HCN1: variants seen among roughly 807,000 people sequenced by gnomAD.
HCN1 encodes the protein potassium/sodium hyperpolarization-activated cyclic nucleotide-gated channel 1.
HCN1 carries 13 observed loss-of-function variants against 78.9 expected under a neutral mutation model. The ratio of observed to expected loss-of-function variants is 0.16; its 90% confidence interval spans 0.11 to 0.26. The LOEUF is 0.26. Ranked by LOEUF, HCN1 falls within the 10% of genes least tolerant of loss-of-function variation. The pLI, the probability that HCN1 is intolerant of heterozygous loss-of-function variation, is 1.00. For synonymous variants in HCN1, 552 were observed against 455.5 expected, an observed-to-expected ratio of 1.21 and a Z score of -2.70; for missense variants, 810 against 1,154.3, an observed-to-expected ratio of 0.70 and a Z score of 4.32.
intron 2 of HCN1, among the ~76,000 whole-genome samples, chr5:45,628,244 G>A (rs1251660706): frequency 2.6e-5 from 4 of 152,176 alleles, no homozygotes; most frequent in Non-Finnish European, 5.9e-5. Flanking sequence ...GAACACATTA[G>A]TGTCTCCCTA....
chr5:45,598,122 A>T (rs1253917397), intron 2 of HCN1, among the ~76,000 whole-genome samples: 2 of 152,190 alleles, frequency 1.3e-5, no homozygotes, highest in African/African-American at 4.8e-5. Context: ...ATCCTAAGAA[A>T]AAAGAACAAA....
intron 2 of HCN1, among the ~76,000 whole-genome samples, chr5:45,536,765 A>C (rs1742976048): frequency 6.6e-6 from 1 of 152,194 alleles, no homozygotes; most frequent in Non-Finnish European, 1.5e-5. Context: ...AGTAATAATA[A>C]ATTGAAAGAA....
intron 3 of HCN1, among the ~76,000 whole-genome samples, chr5:45,411,171 A>G (rs1285929971): frequency 2.0e-5 from 3 of 152,026 alleles, no homozygotes; most frequent in Non-Finnish European, 4.4e-5. Flanking sequence ...GGCATGAGGA[A>G]GAGTTGGGGA....
rs903770107 is a variant in HCN1, at chr5:45,259,525, T to C, written c.*2396A>G. On this transcript the variant is annotated 3_prime_UTR_variant, in exon 8 of 8. Transcript: ENST00000303230. ...GACCTTTATATTACAGGAATGTGAG[T>C]CATTTTTTTTTCTTAATCTAAGTAT... 1 of 152,156 alleles carries C rather than the reference T, an allele frequency of 6.6e-6. No individual in the cohort carries two copies. Among genetic ancestry groups the C allele is most frequent in the African/African-American group, 2.4e-5 (1 of 41,386 alleles). The allele number at this position is 152,156 out of a possible 1,614,324, so 9.4% of individuals were successfully genotyped here.
Position 45,261,855 on chromosome 5 carries a change from A to C in HCN1, c.*66T>G, listed in dbSNP as rs1744740524. 3.8e-6 allele frequency: 6 copies of C among 1,598,088 alleles called. No individual in the cohort carries two copies. The highest frequency in any genetic ancestry group is 5.1e-6 in the Non-Finnish European group (6 of 1,168,088). On this transcript the variant is annotated 3_prime_UTR_variant, in exon 8 of 8. Coordinates refer to ENST00000303230, the MANE Select transcript of HCN1 (RefSeq NM_021072.4). ...GAGGGATCTATCAGGAGATAGAATA[A>C]AATAAGATCTGAGTATAGTCTCAGT...
At position 45,612,548 on chromosome 5, in the gene HCN1, A is replaced by G. The variant is rs1475665075; in HGVS notation, c.849+32637T>C. On this transcript the variant is annotated intron_variant, in intron 2 of 7. Transcript: ENST00000303230. ...ATATTATGAAGTGATACCATTAAAT[A>G]TTGGTTTCCTGAGGCCCAAGTGTTC... is the stretch of plus-strand genomic sequence containing the variant. Among the ~76,000 whole-genome samples the G allele has an allele frequency of 2.0e-5, 3 of 152,284 alleles. No homozygotes were observed. The East Asian group carries it at 5.8e-4, about 29-fold the overall frequency.
chr5:45,314,031 G>C (rs201683690), intron 5 of HCN1, among the ~76,000 whole-genome samples: 1 of 150,652 alleles, frequency 6.6e-6, no homozygotes, highest in Non-Finnish European at 1.5e-5. Flanking sequence ...ACAAAGATAC[G>C]AGAAGAGCAA....
At chr5:45,294,354 C>T (rs1455575526) in intron 6 of HCN1, among the ~76,000 whole-genome samples, 1 of 151,996 alleles carries the variant, frequency 6.6e-6, no homozygotes, top group Non-Finnish European at 1.5e-5. Flanking sequence ...CCAGTCCCTT[C>T]ACAGCTTGCG....
intron 1 of HCN1, among the ~76,000 whole-genome samples, chr5:45,660,787 C>G (rs929541936): frequency 1.5e-5 from 2 of 132,382 alleles, no homozygotes; most frequent in African/African-American, 2.9e-5. Flanking sequence ...AATACAGGAG[C>G]ACCCAGATTC....
chr5:45,349,248 C>T (rs56166681), intron 5 of HCN1, among the ~76,000 whole-genome samples: 1 of 152,170 alleles, frequency 6.6e-6, no homozygotes, highest in East Asian at 1.9e-4. Flanking sequence ...TACATGGAAA[C>T]TGAACAACCT....
chr5:45,312,258 T>C (rs1745864907), intron 5 of HCN1, among the ~76,000 whole-genome samples: 1 of 152,198 alleles, frequency 6.6e-6, no homozygotes, highest in Non-Finnish European at 1.5e-5. Flanking sequence ...TTAAATTGAA[T>C]TTTATATATT....
chr5:45,570,180 C>T (rs1023314567), intron 2 of HCN1, among the ~76,000 whole-genome samples: 1 of 152,014 alleles, frequency 6.6e-6, no homozygotes, highest in Non-Finnish European at 1.5e-5. Context: ...CTGATATTCT[C>T]TTTCTTCCTT....
chr5:45,390,464 G>A (rs1390962946), intron 4 of HCN1, among the ~76,000 whole-genome samples: 1 of 152,010 alleles, frequency 6.6e-6, no homozygotes, highest in Non-Finnish European at 1.5e-5. Context: ...CTCTACTTTA[G>A]AGCTATAAAA....
chr5:45,390,539 A>G (rs1739531951), intron 4 of HCN1, among the ~76,000 whole-genome samples: 1 of 152,218 alleles, frequency 6.6e-6, no homozygotes, highest in Admixed American at 6.5e-5. Flanking sequence ...ATTAAGGTTT[A>G]GTATGGAGAA....
Position 45,313,964 on chromosome 5 carries a change from C to T in HCN1, c.1378-10125G>A, listed in dbSNP as rs900371469. 3.3e-5 allele frequency among the ~76,000 whole-genome samples: 5 copies of T among 152,292 alleles called. No individual in the cohort carries two copies. In the South Asian group the frequency reaches 1.0e-3, roughly 32 times the overall value. ...CTCTGCAGGATATTATCCAGGAGAA[C>T]TTCCCCAACCTAGCAAGGCAGGCCA... is the stretch of plus-strand genomic sequence containing the variant. On this transcript the variant is annotated intron_variant, in intron 5 of 7. Coordinates refer to ENST00000303230, the MANE Select transcript of HCN1 (RefSeq NM_021072.4).
chr5:45,658,704 G>C (rs1181780524), intron 1 of HCN1, among the ~76,000 whole-genome samples: 2 of 151,692 alleles, frequency 1.3e-5, no homozygotes, highest in Non-Finnish European at 2.9e-5. Context: ...GACGCACCTG[G>C]AAAATCGGGT....
At chr5:45,608,741 G>A (rs371055859) in intron 2 of HCN1, among the ~76,000 whole-genome samples, 8 of 151,692 alleles carry the variant, frequency 5.3e-5, no homozygotes, top group Non-Finnish European at 8.8e-5. Flanking sequence ...ATTTTTAAAA[G>A]CACATATTAA....
At chr5:45,586,523 C>T (rs564497453) in intron 2 of HCN1, among the ~76,000 whole-genome samples, 1 of 152,084 alleles carries the variant, frequency 6.6e-6, no homozygotes, top group Non-Finnish European at 1.5e-5. Flanking sequence ...TGCACTGCAC[C>T]CACTGTCCTG....
At chr5:45,479,716 C>T (rs909067085) in intron 2 of HCN1, among the ~76,000 whole-genome samples, 1 of 152,126 alleles carries the variant, frequency 6.6e-6, no homozygotes, top group Admixed American at 6.6e-5. Context: ...GGAAGAAGAA[C>T]AGGATTTCAG....
Sources: gnomAD v4.1 joint callset for allele counts (sites outside exome capture counted in the v4.1 genomes callset) on GRCh38, gnomAD v4.1.1 for gene constraint, MANE v1.5 for transcripts, NCBI Gene and HGNC (gene_info 2026-07-23, HGNC 2026-07-21) for gene names.